The following VWA3B variants were observed in gnomAD, a reference collection of about 807,000 sequenced individuals.
VWA3B encodes von Willebrand factor A domain containing 3B.
VWA3B carries 138 observed loss-of-function variants against 158.3 expected under a neutral mutation model. The ratio of observed to expected loss-of-function variants is 0.87; its 90% CI spans 0.76 to 1.00. VWA3B has a LOEUF of 1.00. Ranked by LOEUF, VWA3B falls within the 50% of genes least tolerant of loss-of-function variation. VWA3B has a pLI of 0.00. For missense variants in VWA3B, 1,555 were observed against 1,565.1 expected (o/e 0.99, Z 0.11); for synonymous variants, 596 against 587.3 (o/e 1.01, Z -0.21).
chr2:98,156,811 A>G (rs1488250631), intron 7 of VWA3B, among the ~76,000 whole-genome samples: 3 of 152,006 alleles, frequency 2.0e-5, no homozygotes. Flanking sequence ...TTATTCAGCT[A>G]AACTTTGTTG....
At chr2:98,186,102 TCA>T (rs1436822708) in intron 9 of VWA3B, among the ~76,000 whole-genome samples, 1 of 151,524 alleles carries the variant, frequency 6.6e-6, no homozygotes, top group Non-Finnish European at 1.5e-5. Flanking sequence ...GGGTCCATTC[TCA>T]GTCTCTTTCT....
intron 7 of VWA3B, among the ~76,000 whole-genome samples, chr2:98,146,005 G>C (rs191176987): frequency 6.6e-6 from 1 of 152,188 alleles, no homozygotes; most frequent in East Asian, 1.9e-4. Flanking sequence ...AAACTGCTGG[G>C]ATTACAGGTA....
At chr2:98,276,862 G>C (rs1688557884) in intron 22 of VWA3B, among the ~76,000 whole-genome samples, 1 of 152,206 alleles carries the variant, frequency 6.6e-6, no homozygotes, top group Non-Finnish European at 1.5e-5. Context: ...CCCTCATCTG[G>C]AACAGGGTTG....
At chr2:98,115,817 G>A in intron 3 of VWA3B, 71 bp downstream of exon 3, 1 of 1,296,462 alleles carries the variant, frequency 7.7e-7, no homozygotes, top group Non-Finnish European at 1.1e-6. Context: ...GTGCAGTGTG[G>A]GGAGAGACTT....
intron 19 of VWA3B, among the ~76,000 whole-genome samples, chr2:98,244,125 G>GTATTCT (rs1686244355): frequency 6.6e-6 from 1 of 152,126 alleles, no homozygotes; most frequent in African/African-American, 2.4e-5. Context: ...GCACAGTTCT[G>GTATTCT]TATTCTGTGT....
chr2:98,317,242 A>G (rs1691106331), downstream of VWA3B, among the ~76,000 whole-genome samples: 1 of 152,240 alleles, frequency 6.6e-6, no homozygotes, highest in African/African-American at 2.4e-5. Context: ...ATGTATTACT[A>G]TAACACAATC....
chr2:98,269,004 G>T (rs766028943), intron 21 of VWA3B, among the ~76,000 whole-genome samples: 2 of 152,078 alleles, frequency 1.3e-5, no homozygotes, highest in Non-Finnish European at 2.9e-5. Flanking sequence ...AGACAAGAAG[G>T]GGGGCAAATG....
At chr2:98,322,084 G>C in the VWA3B span, among the ~76,000 whole-genome samples, 6 of 152,144 alleles carry the variant, frequency 3.9e-5, no homozygotes, top group Non-Finnish European at 1.5e-5. Context: ...CTTGCCTTCT[G>C]CCATGATTGT....
chr2:98,147,536 A>G (rs1677262681), intron 7 of VWA3B, among the ~76,000 whole-genome samples: 1 of 152,198 alleles, frequency 6.6e-6, no homozygotes, highest in South Asian at 2.1e-4. Context: ...TTCCCACATT[A>G]CTATAAAATT....
At chr2:98,129,386 G>T (rs755252120) in intron 6 of VWA3B, among the ~76,000 whole-genome samples, 1 of 151,874 alleles carries the variant, frequency 6.6e-6, no homozygotes, top group Non-Finnish European at 1.5e-5. Context: ...GAGTGAGGGC[G>T]CACTCACTGG....
intron 21 of VWA3B, 64 bp from the exon 22 acceptor site, chr2:98,270,618 T>G: frequency 2.7e-6 from 4 of 1,500,054 alleles, no homozygotes; most frequent in Non-Finnish European, 9.1e-7. Flanking sequence ...ATTTTTTTAT[T>G]ATAGTCATTT....
intron 7 of VWA3B, among the ~76,000 whole-genome samples, chr2:98,136,700 T>C (rs1380404166): frequency 1.3e-5 from 2 of 151,950 alleles, no homozygotes; most frequent in Non-Finnish European, 2.9e-5. Context: ...CTTAATCACT[T>C]CCCAAAAGGC....
chr2:98,090,946 A>C (rs1190799520), intron 1 of VWA3B, among the ~76,000 whole-genome samples: 1 of 151,518 alleles, frequency 6.6e-6, no homozygotes, highest in African/African-American at 2.4e-5. Context: ...ATTAGTAGAG[A>C]TGAGTCCTCC....
chr2:98,169,711 C>A lies in VWA3B; in HGVS notation c.1114+6735C>A, dbSNP rs555899088. Among the ~76,000 whole-genome samples, 15 of 136,624 alleles carry A rather than the reference C, an allele frequency of 1.1e-4. No individual in the cohort carries two copies. The South Asian group carries it at 3.8e-3, about 34-fold the overall frequency. 89.6% of individuals were successfully genotyped at this position (136,624 alleles called of 152,430 possible). On this transcript the variant is annotated intron_variant, in intron 8 of 27. Transcript: ENST00000477737. ...GAGACGTGGGTGGGACACACCTGGG[C>A]ATTCTGTGTGTGTGTGTGTGTGTGT...
chr2:98,147,276 TG>T (rs1263721344), intron 7 of VWA3B, among the ~76,000 whole-genome samples: 2 of 152,196 alleles, frequency 1.3e-5, no homozygotes, highest in Non-Finnish European at 2.9e-5. Flanking sequence ...AGTATGAGGC[TG>T]GGGGTCTGAA....
rs78185656 is a variant in VWA3B at position 98,179,435 on chromosome 2, A to G, written c.1115-1581A>G. ...TGGTTATTCTTTTCCCTGTGAAGCT[A>G]AGGTGAGTTGTCCTAGATAGGGCAC... On this transcript the variant is annotated intron_variant, in intron 8 of 27. Coordinates refer to ENST00000477737, the MANE Select transcript of VWA3B (RefSeq NM_144992.5). 283 of 443,548 alleles carry G rather than the reference A, an allele frequency of 6.4e-4. 1 individual carries two copies. The highest frequency in any genetic ancestry group is 5.1e-3 in the African/African-American group (253 of 49,770). 27.5% of individuals were successfully genotyped at this position (443,548 alleles called of 1,614,324 possible). A position where few individuals can be genotyped will look rare whatever the true frequency, so the allele number is the denominator to read the frequency against.
At chr2:98,228,161 T>C in intron 14 of VWA3B, 41 bp from the exon 15 acceptor site, 1 of 1,559,050 alleles carries the variant, frequency 6.4e-7, no homozygotes, top group Non-Finnish European at 8.6e-7. Flanking sequence ...TTGAGCTCTT[T>C]TTATCTAGTC....
intron 12 of VWA3B, among the ~76,000 whole-genome samples, chr2:98,202,143 T>C (rs1054168708): frequency 6.6e-6 from 1 of 152,296 alleles, no homozygotes; most frequent in Middle Eastern, 3.4e-3. Context: ...TCTGGGCCTC[T>C]TTTTTTGTTA....
chr2:98,207,730 G>A (rs77948938), intron 12 of VWA3B: 14,898 of 381,404 alleles, frequency 0.039, 1,547 homozygotes, highest in Admixed American at 0.25. Context: ...AGCACTTATT[G>A]TGAGGGGTCT....
Sources: allele counts gnomAD v4.1 joint callset (sites outside exome capture counted in the v4.1 genomes callset), GRCh38; gene constraint gnomAD v4.1.1; transcripts MANE v1.5; gene names NCBI Gene and HGNC (gene_info 2026-07-23, HGNC 2026-07-21).